The following ZNF883 variants were observed in gnomAD, a reference collection of about 807,000 sequenced individuals.
The protein encoded by ZNF883 is zinc finger protein 883.
chr9:112,995,096 G>A (rs554516764), downstream of ZNF883, among the ~76,000 whole-genome samples: 42 of 152,294 alleles, frequency 2.8e-4, no homozygotes, highest in African/African-American at 1.0e-3. Context: ...AGGTGTCTTT[G>A]AATGTGTTTC....
upstream of ZNF883, among the ~76,000 whole-genome samples, chr9:113,000,226 G>A (rs1021876702): frequency 2.0e-5 from 3 of 152,058 alleles, no homozygotes; most frequent in African/African-American, 7.2e-5. Context: ...TAAATGTTGT[G>A]AATAAAAGAC....
chr9:113,001,285 T>C (rs1237075589), upstream of ZNF883, among the ~76,000 whole-genome samples: 1 of 152,090 alleles, frequency 6.6e-6, no homozygotes, highest in East Asian at 1.9e-4. Context: ...GAAAACCTTT[T>C]TAATGTCTGA....
At chr9:113,008,561 G>A (rs1828500873) in intron 2 of ZNF883, among the ~76,000 whole-genome samples, 1 of 152,124 alleles carries the variant, frequency 6.6e-6, no homozygotes, top group Non-Finnish European at 1.5e-5. Context: ...AGTAAATTAA[G>A]TGTTGATGGA....
At chr9:112,991,615 G>A (rs1214071484) in intron 1 of ZNF883, among the ~76,000 whole-genome samples, 2 of 151,908 alleles carry the variant, frequency 1.3e-5, no homozygotes, top group South Asian at 2.1e-4. Flanking sequence ...TGATCCAGAG[G>A]TGAGTTCAAG....
At chr9:113,002,663 CTATTT>C (rs1174979078), upstream of ZNF883, among the ~76,000 whole-genome samples, 1 of 152,158 alleles carries the variant, frequency 6.6e-6, no homozygotes, top group African/African-American at 2.4e-5. Context: ...TCCTATTCAA[CTATTT>C]TCTTACAGCT....
At chr9:112,991,787 A>G (rs553570372) in intron 1 of ZNF883, among the ~76,000 whole-genome samples, 2 of 152,332 alleles carry the variant, frequency 1.3e-5, no homozygotes, top group Non-Finnish European at 2.9e-5. Flanking sequence ...ATATATATTT[A>G]GAATAGTTAG....
At chr9:113,009,803 C>T (rs1292194733) in intron 2 of ZNF883, among the ~76,000 whole-genome samples, 6 of 152,174 alleles carry the variant, frequency 3.9e-5, no homozygotes, top group East Asian at 3.9e-4. Context: ...CCATCACGCC[C>T]GGCCCATATT....
chr9:113,003,593 A>G (rs539051456), intron 2 of ZNF883, among the ~76,000 whole-genome samples: 97 of 78,334 alleles, frequency 1.2e-3, no homozygotes, highest in South Asian at 0.01. Context: ...AAAAAAAAAA[A>G]AGAATGGAAA....
upstream of ZNF883, among the ~76,000 whole-genome samples, chr9:112,999,338 TCTC>T (rs1460573130): frequency 7.2e-5 from 11 of 152,214 alleles, no homozygotes; most frequent in African/African-American, 2.7e-4. Flanking sequence ...AGCCTATTCT[TCTC>T]TATAACTCAT....
chr9:113,010,136 T>C (rs1256265384), intron 2 of ZNF883, among the ~76,000 whole-genome samples: 1 of 152,166 alleles, frequency 6.6e-6, no homozygotes, highest in Non-Finnish European at 1.5e-5. Context: ...GCTTAGAACA[T>C]TAGCTGGCAA....
At chr9:113,004,465 G>A (rs879649531) in intron 2 of ZNF883, among the ~76,000 whole-genome samples, 2 of 152,028 alleles carry the variant, frequency 1.3e-5, no homozygotes, top group Non-Finnish European at 2.9e-5. Context: ...AGTATTAGGT[G>A]AGGCCTTTGG....
At chr9:113,003,275 CTT>C (rs760067258) in intron 2 of ZNF883, among the ~76,000 whole-genome samples, 6 of 152,146 alleles carry the variant, frequency 3.9e-5, no homozygotes, top group Admixed American at 6.6e-5. Flanking sequence ...TAAGCTCTCT[CTT>C]GCCCACCACC....
intron 1 of ZNF883, among the ~76,000 whole-genome samples, chr9:112,991,133 A>G (rs959268414): frequency 2.0e-5 from 3 of 151,918 alleles, no homozygotes; most frequent in African/African-American, 7.3e-5. Flanking sequence ...GTCTTCTGCT[A>G]GCTTTGGGTT....
chr9:113,003,461 C>T lies in ZNF883; in HGVS notation n.166-1388G>A, dbSNP rs146529374. Among the ~76,000 whole-genome samples, 1,064 of 152,096 alleles carry T rather than the reference C, an allele frequency of 7.0e-3. 9 individuals are homozygous for T. Among genetic ancestry groups the T allele is most frequent in the Admixed American group, 0.013 (199 of 15,256 alleles). ...ATACACCTTGTTTTATGTTTTACTT[C>T]CTGATGATGCAGTTTATGTAGTCCT... On this transcript the variant is annotated intron_variant and non_coding_transcript_variant, in intron 2 of 4. Transcript: ENST00000638622.
At chr9:113,003,240 A>G (rs191738258), upstream of ZNF883, among the ~76,000 whole-genome samples, 1 of 152,110 alleles carries the variant, frequency 6.6e-6, no homozygotes, top group African/African-American at 2.4e-5. Flanking sequence ...TGATGGTTTT[A>G]TAAATGGGAG....
chr9:113,010,009 T>G (rs770922213), intron 2 of ZNF883, among the ~76,000 whole-genome samples: 1 of 152,240 alleles, frequency 6.6e-6, no homozygotes, highest in Non-Finnish European at 1.5e-5. Context: ...TTTACTGGAA[T>G]GTAACCTCAT....
downstream of ZNF883, among the ~76,000 whole-genome samples, chr9:112,996,123 C>T (rs1828351646): frequency 6.6e-6 from 1 of 151,740 alleles, no homozygotes; most frequent in East Asian, 1.9e-4. Flanking sequence ...TACTTAGAAA[C>T]TTATTTTAAA....
intron 2 of ZNF883, among the ~76,000 whole-genome samples, chr9:113,010,132 A>T (rs1828517872): frequency 6.6e-6 from 1 of 152,198 alleles, no homozygotes; most frequent in Non-Finnish European, 1.5e-5. Context: ...CAATGCTTAG[A>T]ACATTAGCTG....
upstream of ZNF883, chr9:113,002,152 T>C (rs1416273445): frequency 6.6e-6 from 1 of 152,136 alleles, no homozygotes; most frequent in Non-Finnish European, 1.5e-5. Context: ...AAGCTAACAA[T>C]TAAAAATGAC....
Sources: gnomAD v4.1 joint callset for allele counts (sites outside exome capture counted in the v4.1 genomes callset) on GRCh38, gnomAD v4.1.1 for gene constraint, MANE v1.5 for transcripts, NCBI Gene and HGNC (gene_info 2026-07-23, HGNC 2026-07-21) for gene names.